SYNE1: variants seen among roughly 807,000 people sequenced by gnomAD.
SYNE1 encodes nesprin-1.
SYNE1 carries 616 observed loss-of-function variants against 1,111.0 expected under a neutral mutation model. That is an observed-to-expected ratio of 0.55 (90% CI 0.52 to 0.59). The LOEUF is 0.59. Among genes scored for constraint, SYNE1 ranks in the 20% least tolerant of loss-of-function variants. The pLI, the probability that SYNE1 is intolerant of heterozygous loss-of-function variation, is 0.00. For missense variants in SYNE1, 10,006 were observed against 10,417.0 expected (o/e 0.96, Z 1.72); for synonymous variants, 3,855 against 3,825.8 (o/e 1.01, Z -0.28).
chr6:152,595,816 C>T (rs1036544676), intron 3 of SYNE1, among the ~76,000 whole-genome samples: 3 of 152,136 alleles, frequency 2.0e-5, no homozygotes, highest in African/African-American at 7.2e-5. Context: ...GCTGCCTCAC[C>T]TGTACGATGC....
rs1363204999 is a variant in SYNE1 at position 152,458,796 on chromosome 6, A to T, written c.2529T>A (p.Arg843=). Reference sequence around the variant, plus strand: ...TAAAAAGGGCACTCGATTGTGCCTCACGCTCAAGAACTGTGATAATTTCAT... The same window carrying T: ...TAAAAAGGGCACTCGATTGTGCCTCTCGCTCAAGAACTGTGATAATTTCAT... ...KINEIITVLE[R]EAQSSALFKQ... The change falls in exon 22 of 146, where the codon CGT becomes CGA. Residue 843 remains arginine, a synonymous_variant. Transcript: ENST00000367255. 6.2e-7 allele frequency: 1 copy of T among 1,613,984 alleles called. No individual in the cohort carries two copies. Among genetic ancestry groups the T allele is most frequent in the Non-Finnish European group, 8.5e-7 (1 of 1,179,986 alleles).
intron 57 of SYNE1, 83 bp from the exon 58 acceptor site, chr6:152,376,641 T>C: frequency 1.3e-6 from 2 of 1,575,810 alleles, no homozygotes; most frequent in Non-Finnish European, 1.7e-6. Context: ...CACCAGTTCT[T>C]AGAATGTGCA....
At chr6:152,403,721 CAAT>C (rs1473482222) in intron 46 of SYNE1, among the ~76,000 whole-genome samples, 1 of 151,858 alleles carries the variant, frequency 6.6e-6, no homozygotes, top group African/African-American at 2.4e-5. Context: ...GACCCTGTCT[CAAT>C]AAACAAACAA....
In SYNE1 at chr6:152,447,463, A is replaced by G; in HGVS notation, c.3664T>C (p.Ser1222Pro). ...SSFKALVTLL[S>P]EVEKMLSNFG... ...AGTGTGAGTAAATGCTGTACCTCTG[A>G]CAGCAGCGTCACAAGAGCCTTGAAA... The change falls in exon 29 of 146, where the codon TCA becomes CCA. Residue 1222 changes from serine (S) to proline (P), a missense_variant. Physicochemically the swap from Ser to Pro is moderately conservative, Grantham distance 74 (BLOSUM62 -1). Transcript: ENST00000367255. The G allele has an allele frequency of 6.2e-7, 1 of 1,614,196 alleles. No individual in the cohort carries two copies. Among genetic ancestry groups the G allele is most frequent in the Non-Finnish European group, 8.5e-7 (1 of 1,180,032 alleles).
intron 145 of SYNE1, among the ~76,000 whole-genome samples, chr6:152,125,015 G>T (rs1213167880): frequency 6.6e-6 from 1 of 152,238 alleles, no homozygotes; most frequent in Non-Finnish European, 1.5e-5. Flanking sequence ...AAAGCTCAGG[G>T]AAGTGAAATA....
chr6:152,571,591 G>A (rs2099458742), intron 3 of SYNE1, among the ~76,000 whole-genome samples: 2 of 152,036 alleles, frequency 1.3e-5, no homozygotes, highest in Admixed American at 1.3e-4. Flanking sequence ...AAGGAAGAAA[G>A]CATGCAAATT....
chr6:152,201,735 T>A, intron 127 of SYNE1, 89 bp downstream of exon 127: 2 of 1,595,428 alleles, frequency 1.3e-6, no homozygotes, highest in South Asian at 2.2e-5. Context: ...TGCATGTAGA[T>A]AACCTAAGAG....
At chr6:152,425,736 C>T (rs1345701953) in intron 38 of SYNE1, among the ~76,000 whole-genome samples, 189 bp from the exon 39 acceptor site, 1 of 152,184 alleles carries the variant, frequency 6.6e-6, no homozygotes, top group Non-Finnish European at 1.5e-5. Flanking sequence ...GAATTTGGTT[C>T]ATCCACTTAA....
At chr6:152,550,320 T>C (rs2099335507) in intron 3 of SYNE1, among the ~76,000 whole-genome samples, 1 of 152,176 alleles carries the variant, frequency 6.6e-6, no homozygotes, top group African/African-American at 2.4e-5. Flanking sequence ...GTTTGATTTA[T>C]CTTATAATTC....
At chr6:152,224,759 T>A in intron 116 of SYNE1, 95 bp from the exon 117 acceptor site, 1 of 1,261,134 alleles carries the variant, frequency 7.9e-7, no homozygotes, top group Admixed American at 1.8e-5. Context: ...ATCTAAGAAC[T>A]TCATCAGGGT....
intron 106 of SYNE1, among the ~76,000 whole-genome samples, chr6:152,244,076 C>T (rs770925594): frequency 2.6e-5 from 4 of 152,090 alleles, no homozygotes; most frequent in Non-Finnish European, 5.9e-5. Flanking sequence ...TCCATTCAAA[C>T]ATATATGGAG....
Position 152,221,522 on chromosome 6 carries a change from A to G in SYNE1, c.21560T>C (p.Leu7187Ser), listed in dbSNP as rs778441411. The change falls in exon 118 of 146, where the codon TTA becomes TCA. Residue 7187 changes from leucine to serine, a missense_variant. By Grantham distance (145) the Leu-to-Ser change is moderately radical. Coordinates refer to ENST00000367255, the MANE Select transcript of SYNE1 (RefSeq NM_182961.4). ...GTTGGTGATAGAGCCAAATTTCTGT[A>G]AGCTCCTTTCCTGTTTTTCCAGATC... ...QDDLEKQERSLQKFGSITNQL... is the reference protein window; with the variant it reads ...QDDLEKQERSSQKFGSITNQL... The G allele has an allele frequency of 1.4e-5, 23 of 1,613,950 alleles. 1 individual carries two copies. The Admixed American group carries it at 3.8e-4, about 27-fold the overall frequency.
intron 21 of SYNE1, among the ~76,000 whole-genome samples, chr6:152,460,296 A>G (rs1192283093): frequency 6.6e-6 from 1 of 152,168 alleles, no homozygotes; most frequent in African/African-American, 2.4e-5. Context: ...ATTGCCCACA[A>G]CCTTTAAATT....
chr6:152,414,337 AG>A (rs1186102044), intron 41 of SYNE1, among the ~76,000 whole-genome samples: 1 of 152,056 alleles, frequency 6.6e-6, no homozygotes, highest in Non-Finnish European at 1.5e-5. Context: ...TGAGCCCAAA[AG>A]TTTGAGGCCG....
At chr6:152,278,444 CT>C (rs993107663) in intron 97 of SYNE1, among the ~76,000 whole-genome samples, 164 bp from the exon 98 acceptor site, 8 of 150,840 alleles carry the variant, frequency 5.3e-5, no homozygotes, top group East Asian at 3.9e-4. Context: ...AGTCTGTAGG[CT>C]TTTTTTTTAT....
intron 16 of SYNE1, among the ~76,000 whole-genome samples, chr6:152,471,105 C>T (rs1167631434): frequency 6.6e-6 from 1 of 151,952 alleles, no homozygotes; most frequent in Non-Finnish European, 1.5e-5. Context: ...AGGGTGCACA[C>T]AAGAGGCAAT....
intron 3 of SYNE1, among the ~76,000 whole-genome samples, chr6:152,592,390 A>G (rs2099569558): frequency 6.6e-6 from 1 of 152,204 alleles, no homozygotes; most frequent in African/African-American, 2.4e-5. Flanking sequence ...AGCCATAAAA[A>G]CAATGAAATC....
chr6:152,131,341 A>G (rs2055575937), intron 144 of SYNE1, among the ~76,000 whole-genome samples: 1 of 152,026 alleles, frequency 6.6e-6, no homozygotes, highest in Non-Finnish European at 1.5e-5. Flanking sequence ...AAAAAAAAAA[A>G]AAAATCCTAA....
At chr6:152,247,855 A>C (rs7746802) in intron 105 of SYNE1, among the ~76,000 whole-genome samples, 19,483 of 90,190 alleles carry the variant, frequency 0.22, 2,061 homozygotes, top group East Asian at 0.49. Flanking sequence ...GGTGTTCTTT[A>C]ACACACACAC....
Sources: allele counts gnomAD v4.1 joint callset (sites outside exome capture counted in the v4.1 genomes callset), GRCh38; gene constraint gnomAD v4.1.1; transcripts MANE v1.5; gene names NCBI Gene and HGNC (gene_info 2026-07-23, HGNC 2026-07-21).